The following NKAIN2 variants were observed in gnomAD, a reference collection of about 807,000 sequenced individuals.
NKAIN2 encodes sodium/potassium-transporting ATPase subunit beta-1-interacting protein 2.
In NKAIN2, 14 loss-of-function variants were observed where a neutral mutation model predicts 32.6. The ratio of observed to expected loss-of-function variants is 0.43; its 90% confidence interval spans 0.28 to 0.67. The LOEUF is 0.67. NKAIN2 is among the 30% of genes least tolerant of loss of function. The pLI is 0.17. For missense variants in NKAIN2, 198 were observed against 258.3 expected, an observed-to-expected ratio of 0.77 and a Z score of 1.60; for synonymous variants, 80 against 87.2, an observed-to-expected ratio of 0.92 and a Z score of 0.46.
At chr6:124,004,489 A>G (rs1015065152) in intron 1 of NKAIN2, among the ~76,000 whole-genome samples, 5 of 152,048 alleles carry the variant, frequency 3.3e-5, no homozygotes, top group Non-Finnish European at 5.9e-5. Context: ...AAATGAAATA[A>G]CTGAAACCGA....
chr6:124,707,259 G>C (rs1216940201), intron 4 of NKAIN2, among the ~76,000 whole-genome samples: 1 of 152,102 alleles, frequency 6.6e-6, no homozygotes, highest in Non-Finnish European at 1.5e-5. Flanking sequence ...ATTTGGGTTG[G>C]TTCCAAGTCT....
intron 1 of NKAIN2, among the ~76,000 whole-genome samples, chr6:124,263,634 C>T (rs918511320): frequency 6.6e-6 from 1 of 152,182 alleles, no homozygotes; most frequent in African/African-American, 2.4e-5. Context: ...TTCTGTCATA[C>T]TAACAGGCCA....
chr6:123,820,952 A>C (rs1193094308), intron 1 of NKAIN2, among the ~76,000 whole-genome samples: 1 of 152,224 alleles, frequency 6.6e-6, no homozygotes, highest in African/African-American at 2.4e-5. Flanking sequence ...AGAAACAATT[A>C]GAATGAATAT....
intron 3 of NKAIN2, among the ~76,000 whole-genome samples, chr6:124,376,954 C>T (rs1800018629): frequency 6.6e-6 from 1 of 152,080 alleles, no homozygotes; most frequent in Non-Finnish European, 1.5e-5. Flanking sequence ...ACAAAATATT[C>T]TTGATGAAGG....
At chr6:124,784,391 AC>A (rs997102058) in intron 4 of NKAIN2, among the ~76,000 whole-genome samples, 1 of 151,042 alleles carries the variant, frequency 6.6e-6, no homozygotes, top group African/African-American at 2.4e-5. Context: ...CTTCTAACCC[AC>A]CCCCCTTAGT....
chr6:124,090,738 T>C (rs80077438), intron 1 of NKAIN2, among the ~76,000 whole-genome samples: 2,949 of 152,146 alleles, frequency 0.019, 87 homozygotes, highest in African/African-American at 0.064. Flanking sequence ...TAATGAAGAT[T>C]AAGTCATAGG....
intron 3 of NKAIN2, among the ~76,000 whole-genome samples, chr6:124,494,751 G>A (rs1047356178): frequency 2.6e-5 from 4 of 152,046 alleles, no homozygotes; most frequent in Middle Eastern, 3.2e-3. Context: ...CCACCTCAGT[G>A]TCTTTGTTTA....
At position 124,355,182 on chromosome 6, in the gene NKAIN2, G is replaced by C; in HGVS notation, c.193-85G>C. On this transcript the variant is annotated intron_variant, in intron 2 of 6. Transcript: ENST00000368417. ...AACCTTTCCCACTAATCTTATATTA[G>C]GGTGTGCGAAAGTTCGTTTTATTTG... 5.1e-6 allele frequency: 4 copies of C among 784,588 alleles called. No homozygotes were observed. In the Admixed American group the frequency reaches 7.7e-5, roughly 15 times the overall value. The allele number at this position is 784,588 out of a possible 1,614,324, so 48.6% of individuals were successfully genotyped here. A position where few individuals can be genotyped will look rare whatever the true frequency, so the allele number is the denominator to read the frequency against.
At chr6:123,841,455 A>G (rs1774865501) in intron 1 of NKAIN2, among the ~76,000 whole-genome samples, 2 of 152,236 alleles carry the variant, frequency 1.3e-5, no homozygotes, top group Non-Finnish European at 2.9e-5. Flanking sequence ...ATAACACTAT[A>G]TATTACAGTC....
At chr6:124,104,079 T>G (rs1259464117) in intron 1 of NKAIN2, among the ~76,000 whole-genome samples, 1 of 152,030 alleles carries the variant, frequency 6.6e-6, no homozygotes, top group Non-Finnish European at 1.5e-5. Context: ...AGAGCGAGAC[T>G]CCATCTCAAA....
intron 1 of NKAIN2, among the ~76,000 whole-genome samples, chr6:124,034,502 T>C (rs950471902): frequency 6.6e-5 from 10 of 152,266 alleles, no homozygotes; most frequent in African/African-American, 2.4e-4. Flanking sequence ...AATCACATTT[T>C]TAAAATTCAG....
chr6:124,151,246 T>C (rs1787704554), intron 1 of NKAIN2, among the ~76,000 whole-genome samples: 1 of 152,048 alleles, frequency 6.6e-6, no homozygotes. Context: ...ATGAATTTAA[T>C]TCATTTTACA....
intron 3 of NKAIN2, among the ~76,000 whole-genome samples, chr6:124,520,036 CAAGT>C (rs1779063794): frequency 6.6e-6 from 1 of 152,064 alleles, no homozygotes; most frequent in Admixed American, 6.5e-5. Context: ...AGGTCACAGA[CAAGT>C]AAGTATCAAG....
At chr6:124,774,967 T>C (rs1293679189) in intron 4 of NKAIN2, among the ~76,000 whole-genome samples, 2 of 152,092 alleles carry the variant, frequency 1.3e-5, no homozygotes, top group Non-Finnish European at 2.9e-5. Context: ...ATGAATGTGA[T>C]GATTTTAAAA....
chr6:123,937,223 CT>C (rs1776553709), intron 1 of NKAIN2, among the ~76,000 whole-genome samples: 1 of 152,124 alleles, frequency 6.6e-6, no homozygotes, highest in African/African-American at 2.4e-5. Flanking sequence ...ATCACCTCTT[CT>C]ACTCTGGAAA....
intron 2 of NKAIN2, among the ~76,000 whole-genome samples, chr6:124,315,601 A>C (rs182835964): frequency 6.6e-6 from 1 of 152,260 alleles, no homozygotes; most frequent in Admixed American, 6.5e-5. Context: ...GACTTAGCAG[A>C]TGAATAGAAT....
intron 3 of NKAIN2, among the ~76,000 whole-genome samples, chr6:124,362,257 C>T (rs1176608708): frequency 1.3e-5 from 2 of 151,898 alleles, no homozygotes; most frequent in African/African-American, 2.4e-5. Flanking sequence ...ATTTTTATTT[C>T]CCAACTATCA....
chr6:124,791,357 G>T lies in NKAIN2; in HGVS notation c.493G>T (p.Ala165Ser). 3.7e-6 allele frequency: 6 copies of T among 1,609,302 alleles called. No homozygotes were observed. The highest frequency in any genetic ancestry group is 2.2e-5 in the East Asian group (1 of 44,826). Residue 165 changes from alanine to serine, a missense_variant, in exon 5 of 7, where the codon GCC becomes TCC. Transcript: ENST00000368417. ...GTTTCAGCTGGCAGGTTTCATCTAC[G>T]CCTGTTATGTTGTGAAATGTATAAC... is the stretch of plus-strand genomic sequence containing the variant. ...IVLALAGFIY[A>S]CYVVKCITEE...
At chr6:124,449,974 T>G (rs1776035870) in intron 3 of NKAIN2, among the ~76,000 whole-genome samples, 1 of 152,120 alleles carries the variant, frequency 6.6e-6, no homozygotes, top group African/African-American at 2.4e-5. Flanking sequence ...TGAAGTAATT[T>G]TAATTGCATA....
Sources: allele counts gnomAD v4.1 joint callset (sites outside exome capture counted in the v4.1 genomes callset), GRCh38; gene constraint gnomAD v4.1.1; transcripts MANE v1.5; gene names NCBI Gene and HGNC (gene_info 2026-07-23, HGNC 2026-07-21).